PRMT3: variants seen among roughly 807,000 people sequenced by gnomAD.
PRMT3 encodes protein arginine methyltransferase 3, also known as protein arginine N-methyltransferase 3.
PRMT3 carries 62 observed loss-of-function variants against 71.9 expected under a neutral mutation model. That is an observed-to-expected ratio of 0.86 (90% confidence interval 0.70 to 1.07). The LOEUF (loss-of-function observed/expected upper bound fraction) is 1.07. Ranked by LOEUF, PRMT3 falls within the 50% of genes least tolerant of loss-of-function variation. PRMT3 has a pLI of 0.00. For missense variants in PRMT3, 663 were observed against 643.0 expected (o/e 1.03, Z -0.34); for synonymous variants, 213 against 220.4 (o/e 0.97, Z 0.30).
chr11:20,453,319 A>T (rs1850192933), intron 11 of PRMT3, among the ~76,000 whole-genome samples: 1 of 89,840 alleles, frequency 1.1e-5, no homozygotes, highest in South Asian at 3.4e-4. Context: ...CGTCTTTACT[A>T]AAAAAAAAAA....
chr11:20,389,970 G>A (rs2403592), intron 3 of PRMT3, 144 bp downstream of exon 3: 36,932 of 563,084 alleles, frequency 0.066, 1,869 homozygotes, highest in East Asian at 0.18. Context: ...TGGCCAACAT[G>A]CTGAAACCCC....
At chr11:20,449,573 ATAAAT>A (rs1850104156) in intron 10 of PRMT3, among the ~76,000 whole-genome samples, 1 of 152,198 alleles carries the variant, frequency 6.6e-6, no homozygotes, top group Admixed American at 6.5e-5. Flanking sequence ...CTTAACATAA[ATAAAT>A]TAAATTGGAA....
At chr11:20,425,958 G>C (rs914197345) in intron 9 of PRMT3, among the ~76,000 whole-genome samples, 3 of 152,168 alleles carry the variant, frequency 2.0e-5, no homozygotes, top group African/African-American at 7.2e-5. Context: ...TAGTTACAAT[G>C]TACATTCTGA....
chr11:20,427,888 A>T (rs1186747014), intron 10 of PRMT3, among the ~76,000 whole-genome samples: 1 of 152,140 alleles, frequency 6.6e-6, no homozygotes, highest in African/African-American at 2.4e-5. Context: ...TTTATCAAAA[A>T]ATTTTGAAAA....
intron 4 of PRMT3, 91 bp downstream of exon 4, chr11:20,392,351 G>A (rs1848732946): frequency 1.5e-6 from 2 of 1,325,294 alleles, no homozygotes; most frequent in South Asian, 2.8e-5. Context: ...AAGAATATGA[G>A]GAACTGCATT....
At chr11:20,440,252 T>TACAAAC (rs1849855409) in intron 10 of PRMT3, among the ~76,000 whole-genome samples, 3 of 152,146 alleles carry the variant, frequency 2.0e-5, no homozygotes, top group Non-Finnish European at 4.4e-5. Context: ...GCAGTTTGAT[T>TACAAAC]GGCTGAGGCA....
chr11:20,495,947 A>G (rs577514810), intron 15 of PRMT3, among the ~76,000 whole-genome samples: 9 of 152,332 alleles, frequency 5.9e-5, no homozygotes, highest in African/African-American at 2.2e-4. Flanking sequence ...AAGTGCTGGC[A>G]ATAATGTAGC....
At chr11:20,420,646 C>T (rs1278534617) in intron 9 of PRMT3, among the ~76,000 whole-genome samples, 3 of 152,154 alleles carry the variant, frequency 2.0e-5, no homozygotes, top group African/African-American at 4.8e-5. Flanking sequence ...ATCCCAAAAC[C>T]ATCTCCCACC....
intron 8 of PRMT3, among the ~76,000 whole-genome samples, chr11:20,404,211 GTTTTTTTTTTTTTTTT>G (rs71063629): frequency 5.8e-5 from 2 of 34,338 alleles, no homozygotes; most frequent in Admixed American, 4.2e-4. Context: ...ACTTTTCATA[GTTTTTTTTTTTTTTTT>G]TTTTTTTTTT....
At chr11:20,457,130 G>A (rs6483688) in intron 11 of PRMT3, among the ~76,000 whole-genome samples, 148,111 of 152,270 alleles carry the variant, frequency 0.97, 72,360 homozygotes, top group Middle Eastern at 1. Flanking sequence ...TTTCCTTTTT[G>A]GTGTTTTTGT....
At chr11:20,500,038 T>C (rs1460400768) in intron 15 of PRMT3, among the ~76,000 whole-genome samples, 1 of 152,138 alleles carries the variant, frequency 6.6e-6, no homozygotes, top group Non-Finnish European at 1.5e-5. Flanking sequence ...TTTCTTCCAA[T>C]ATCCCCCAGC....
chr11:20,415,310 C>T (rs994919795), intron 9 of PRMT3, among the ~76,000 whole-genome samples: 3 of 151,952 alleles, frequency 2.0e-5, no homozygotes, highest in African/African-American at 7.3e-5. Flanking sequence ...CCTAGTATAC[C>T]CCGAAATCCC....
chr11:20,502,536 T>C (rs1263199945), intron 15 of PRMT3, among the ~76,000 whole-genome samples: 1 of 152,244 alleles, frequency 6.6e-6, no homozygotes. Flanking sequence ...TTTTTTCTTT[T>C]GTGAAAAATT....
intron 13 of PRMT3, among the ~76,000 whole-genome samples, chr11:20,487,324 G>A (rs1249162368): frequency 6.6e-6 from 1 of 152,140 alleles, no homozygotes; most frequent in Non-Finnish European, 1.5e-5. Flanking sequence ...AACCGTTCAA[G>A]TGCCTGTCAG....
Position 20,504,725 on chromosome 11 carries a change from A to T in PRMT3, c.1487-3579A>T, listed in dbSNP as rs1262078393. Among the ~76,000 whole-genome samples, 48 of 151,262 alleles carry T rather than the reference A, an allele frequency of 3.2e-4. 1 individual carries two copies. Among genetic ancestry groups the T allele is most frequent in the Admixed American group, 2.0e-3 (31 of 15,138 alleles). On this transcript the variant is annotated intron_variant, in intron 15 of 15. Coordinates refer to ENST00000331079, the MANE Select transcript of PRMT3 (RefSeq NM_005788.4). ...GTGTGTGTGAGAGAGAGAGAGAGAG[A>T]GAGAGAGAGAGAGAGAGAGAGCGAG...
intron 13 of PRMT3, among the ~76,000 whole-genome samples, chr11:20,472,603 G>A (rs1415209935): frequency 6.6e-6 from 1 of 151,472 alleles, no homozygotes; most frequent in African/African-American, 2.4e-5. Flanking sequence ...TTGCATTGAT[G>A]TTCATCAAGG....
At position 20,389,794 on chromosome 11, in the gene PRMT3, A is replaced by T; in HGVS notation, c.215A>T (p.Gln72Leu). ...ETFSHCKSEH[Q>L]FNIDSMVHKH... ...TTTTCACACTGTAAGTCTGAGCATC[A>T]GTTTAATATTGACAGCATGGTTCAT... The change falls in exon 3 of 16, where the codon CAG becomes CTG. Residue 72 changes from glutamine to leucine, a missense_variant. Gln to Leu is a moderately radical substitution (Grantham distance 113, BLOSUM62 -2). Coordinates refer to ENST00000331079, the MANE Select transcript of PRMT3 (RefSeq NM_005788.4). 1 of 1,612,154 alleles carries T rather than the reference A, an allele frequency of 6.2e-7. No homozygotes were observed. Among genetic ancestry groups the T allele is most frequent in the Non-Finnish European group, 8.5e-7 (1 of 1,178,364 alleles).
At chr11:20,484,432 A>AG (rs1474377886) in intron 13 of PRMT3, among the ~76,000 whole-genome samples, 8 of 7,358 alleles carry the variant, frequency 1.1e-3, no homozygotes, top group Non-Finnish European at 5.5e-3. Context: ...GTCCTCACCC[A>AG]AATCTTGAAT....
At chr11:20,487,547 A>AG (rs1291809267) in intron 13 of PRMT3, among the ~76,000 whole-genome samples, 1 of 152,172 alleles carries the variant, frequency 6.6e-6, no homozygotes, top group Non-Finnish European at 1.5e-5. Context: ...TAGGTGCATG[A>AG]GGGGGACTAC....
Sources: allele counts gnomAD v4.1 joint callset (sites outside exome capture counted in the v4.1 genomes callset), GRCh38; gene constraint gnomAD v4.1.1; transcripts MANE v1.5; gene names NCBI Gene and HGNC (gene_info 2026-07-23, HGNC 2026-07-21).